CUX1: variants seen among roughly 807,000 people sequenced by gnomAD.
CUX1 encodes the protein cut like homeobox 1.
In CUX1, 31 loss-of-function variants were observed where a neutral mutation model predicts 158.8. The ratio of observed to expected loss-of-function variants is 0.20; its 90% confidence interval spans 0.15 to 0.26. The LOEUF (loss-of-function observed/expected upper bound fraction) is 0.26, where lower values mean the gene tolerates loss of function less well. CUX1 is among the 10% of genes least tolerant of loss of function. CUX1 has a pLI of 1.00. For missense variants in CUX1, 1,589 were observed against 2,014.6 expected (o/e 0.79, Z 4.04); for synonymous variants, 879 against 862.1 (o/e 1.02, Z -0.34).
intron 2 of CUX1, among the ~76,000 whole-genome samples, chr7:101,975,220 C>T (rs1812500790): frequency 6.6e-6 from 1 of 151,512 alleles, no homozygotes; most frequent in African/African-American, 2.4e-5. Context: ...CACTGTACTC[C>T]AGCCTGGGCA....
At chr7:101,880,260 G>A (rs28684436) in intron 1 of CUX1, among the ~76,000 whole-genome samples, 3,468 of 152,196 alleles carry the variant, frequency 0.023, 130 homozygotes, top group African/African-American at 0.079. Flanking sequence ...CTTCCTGCTC[G>A]TTCACTGTGG....
chr7:102,282,511 T>C (rs1231868473), intron 21 of CUX1, among the ~76,000 whole-genome samples: 1 of 151,976 alleles, frequency 6.6e-6, no homozygotes, highest in Non-Finnish European at 1.5e-5. Context: ...TGGCCCACAG[T>C]ATTAGAGGAG....
At chr7:102,246,511 C>T (rs1261715486) in intron 23 of CUX1, among the ~76,000 whole-genome samples, 1 of 152,152 alleles carries the variant, frequency 6.6e-6, no homozygotes, top group Non-Finnish European at 1.5e-5. Flanking sequence ...GTAGGATCTT[C>T]CCCAGGGGAG....
chr7:102,135,973 CA>C (rs574622789), intron 8 of CUX1, among the ~76,000 whole-genome samples: 24 of 141,128 alleles, frequency 1.7e-4, no homozygotes, highest in East Asian at 6.2e-4. Flanking sequence ...GGCTCTGTCT[CA>C]AAAAAAAAAG....
chr7:102,266,076 T>C (rs1262358523), intron 14 of CUX1, among the ~76,000 whole-genome samples: 5 of 151,828 alleles, frequency 3.3e-5, no homozygotes, highest in African/African-American at 1.2e-4. Flanking sequence ...TGGTGGTTCA[T>C]GCTTGTAGTC....
intron 2 of CUX1, among the ~76,000 whole-genome samples, chr7:101,948,028 C>T (rs546964821): frequency 1.5e-4 from 23 of 152,172 alleles, no homozygotes; most frequent in Admixed American, 3.9e-4. Context: ...TTTATCTCTG[C>T]GTCACTGCCG....
chr7:102,216,686 CCCACACACACTCCCACACGCACTCT>C (rs1392783714), intron 20 of CUX1, among the ~76,000 whole-genome samples: 3 of 32,432 alleles, frequency 9.3e-5, no homozygotes, highest in East Asian at 2.9e-3. Context: ...CACACACTCC[CCCACACACACTCCCACACGCACTCT>C]CCACACACAC....
At chr7:102,043,685 A>G (rs1478440655) in intron 3 of CUX1, among the ~76,000 whole-genome samples, 1 of 152,160 alleles carries the variant, frequency 6.6e-6, no homozygotes, top group Non-Finnish European at 1.5e-5. Context: ...GTGCCGCAGT[A>G]TACATGAGTG....
rs1357132054 is a variant in CUX1, at chr7:102,118,099, G to A, written c.674+2826G>A. On this transcript the variant is annotated intron_variant, in intron 8 of 23. Coordinates refer to ENST00000292535, the MANE Select transcript of CUX1 (RefSeq NM_181552.4). ...TCCAGGACAGATTTGTCACTATTCC[G>A]TCTGCTTCAAGTCCAACCTACATGT... 3.3e-5 allele frequency among the ~76,000 whole-genome samples: 5 copies of A among 152,280 alleles called. No homozygotes were observed. In the South Asian group the frequency reaches 6.2e-4, roughly 19 times the overall value.
chr7:102,273,567 C>T, intron 15 of CUX1: 1 of 1,523,748 alleles, frequency 6.6e-7, no homozygotes, highest in Admixed American at 1.9e-5. Flanking sequence ...ACACTGACTT[C>T]CCAGATTAGC....
chr7:101,826,843 C>T (rs1263980715), intron 1 of CUX1, among the ~76,000 whole-genome samples: 2 of 152,252 alleles, frequency 1.3e-5, no homozygotes, highest in African/African-American at 4.8e-5. Context: ...CCCTTGGGTA[C>T]CCACCACACC....
intron 2 of CUX1, among the ~76,000 whole-genome samples, chr7:102,020,037 A>G (rs1819164917): frequency 6.6e-6 from 1 of 152,214 alleles, no homozygotes; most frequent in Non-Finnish European, 1.5e-5. Flanking sequence ...TATACACTGT[A>G]AAAATAGGTC....
Position 101,916,826 on chromosome 7 carries a change from A to G in CUX1, c.141+601A>G, listed in dbSNP as rs1283104017. ...TCTCGTGAGTGTGCAATCGGGGGAC[A>G]GTGTTGAGTTGCTGGGGTGGCGTTT... On this transcript the variant is annotated intron_variant, in intron 2 of 23. Transcript: ENST00000292535. This position sits in a 1 kb window ranked among gnomAD's most constrained non-coding sequence, Gnocchi z 4.4. Among the ~76,000 whole-genome samples the G allele has an allele frequency of 6.6e-6, 1 of 151,852 alleles. No individual in the cohort carries two copies. The highest frequency in any genetic ancestry group is 1.5e-5 in the Non-Finnish European group (1 of 67,960).
intron 18 of CUX1, among the ~76,000 whole-genome samples, chr7:102,203,124 AC>A (rs1675131083): frequency 1.3e-5 from 2 of 151,700 alleles, no homozygotes; most frequent in Non-Finnish European, 2.9e-5. Flanking sequence ...CCACCACCAC[AC>A]CCAGCTAATT....
At chr7:102,088,528 G>C (rs1828184554) in intron 4 of CUX1, among the ~76,000 whole-genome samples, 1 of 152,020 alleles carries the variant, frequency 6.6e-6, no homozygotes, top group African/African-American at 2.4e-5. Context: ...CAGCTACTCG[G>C]GAGGCTGAGG....
At chr7:102,040,935 G>A (rs928343265) in intron 3 of CUX1, among the ~76,000 whole-genome samples, 4 of 152,138 alleles carry the variant, frequency 2.6e-5, no homozygotes, top group Non-Finnish European at 5.9e-5. Flanking sequence ...CAGTACTTTG[G>A]TTGACTATCG....
At chr7:102,116,651 A>T (rs965914337) in intron 8 of CUX1, among the ~76,000 whole-genome samples, 10 of 152,066 alleles carry the variant, frequency 6.6e-5, no homozygotes, top group Admixed American at 6.5e-5. Context: ...CCCTAAAAAA[A>T]TTTTTAAAAT....
At chr7:101,883,527 G>T (rs1364156354) in intron 1 of CUX1, among the ~76,000 whole-genome samples, 1 of 152,060 alleles carries the variant, frequency 6.6e-6, no homozygotes, top group African/African-American at 2.4e-5. Context: ...GGGCAGGAAC[G>T]AAGTCCCTGG....
chr7:101,977,724 T>C (rs1411507008), intron 2 of CUX1, among the ~76,000 whole-genome samples: 1 of 152,026 alleles, frequency 6.6e-6, no homozygotes, highest in Non-Finnish European at 1.5e-5. Flanking sequence ...TGAGTCGAGA[T>C]TGCACCACTG....
Sources: gnomAD v4.1 joint callset for allele counts (sites outside exome capture counted in the v4.1 genomes callset) on GRCh38, gnomAD v4.1.1 for gene constraint, Gnocchi (gnomAD v3.1) non-coding constraint, MANE v1.5 for transcripts, NCBI Gene and HGNC (gene_info 2026-07-23, HGNC 2026-07-21) for gene names.